The following NUP153 variants were observed in gnomAD, a reference collection of about 807,000 sequenced individuals.
NUP153 encodes the protein nucleoporin 153, also known as nuclear pore complex protein Nup153.
In NUP153, 27 loss-of-function variants were observed where a neutral mutation model predicts 134.6. The ratio of observed to expected loss-of-function variants is 0.20; its 90% CI spans 0.15 to 0.28. The LOEUF is 0.28. NUP153 is among the 10% of genes least tolerant of loss of function. The pLI, the probability that NUP153 is intolerant of heterozygous loss-of-function variation, is 1.00. For synonymous variants in NUP153, 640 were observed against 623.5 expected, an observed-to-expected ratio of 1.03 and a Z score of -0.40; for missense variants, 1,821 against 1,731.3, an observed-to-expected ratio of 1.05 and a Z score of -0.92.
intron 8 of NUP153, among the ~76,000 whole-genome samples, chr6:17,668,413 A>G (rs1017528505): frequency 7.2e-5 from 11 of 152,054 alleles, no homozygotes; most frequent in African/African-American, 2.7e-4. Flanking sequence ...AAAAGGTAAC[A>G]GTAAGCCATA....
chr6:17,692,757 C>T (rs1399724408), intron 1 of NUP153, among the ~76,000 whole-genome samples: 1 of 152,124 alleles, frequency 6.6e-6, no homozygotes, highest in African/African-American at 2.4e-5. Context: ...TTCTCCAGCC[C>T]TTAGTAGGAT....
intron 20 of NUP153, among the ~76,000 whole-genome samples, chr6:17,618,783 G>C (rs867660809): frequency 6.6e-6 from 1 of 152,108 alleles, no homozygotes; most frequent in Non-Finnish European, 1.5e-5. Context: ...AGCCAGGATG[G>C]TCTCGATATC....
intron 1 of NUP153, among the ~76,000 whole-genome samples, chr6:17,690,551 CAG>C (rs1195685622): frequency 2.6e-5 from 4 of 152,014 alleles, no homozygotes; most frequent in Non-Finnish European, 4.4e-5. Flanking sequence ...CAAGGTATAA[CAG>C]AAACATACTG....
intron 1 of NUP153, among the ~76,000 whole-genome samples, chr6:17,703,596 T>G (rs1050185065): frequency 6.6e-6 from 1 of 151,308 alleles, no homozygotes; most frequent in Non-Finnish European, 1.5e-5. Context: ...AGCAAGTGGG[T>G]AGACCCTATG....
In NUP153 at chr6:17,649,313, ATGT is replaced by A; in HGVS notation, c.1396-16_1396-14del. On this transcript the variant is annotated splice_polypyrimidine_tract_variant and intron_variant, in intron 11 of 21. Transcript: ENST00000262077. ...GAACTTCCATTTCCTAAAACATAAC[ATGT>A]TGCATGATATATTTCATCTTTCACA... 6.2e-7 allele frequency: 1 copy of A among 1,603,804 alleles called. No homozygotes were observed. The highest frequency in any genetic ancestry group is 8.5e-7 in the Non-Finnish European group (1 of 1,176,136).
chr6:17,615,934 C>A lies in NUP153; in HGVS notation c.*163G>T. 1.9e-6 allele frequency: 1 copy of A among 516,842 alleles called. No homozygotes were observed. The highest frequency in any genetic ancestry group is 3.6e-5 in the Admixed American group (1 of 27,774). 32.0% of individuals were successfully genotyped at this position (516,842 alleles called of 1,614,324 possible). On this transcript the variant is annotated 3_prime_UTR_variant, in exon 22 of 22. Coordinates refer to ENST00000262077, the MANE Select transcript of NUP153 (RefSeq NM_005124.4). The surrounding 1 kb of genome is among the most constrained non-coding windows in gnomAD (Gnocchi z 5.7). The stretch of plus-strand genomic sequence containing the variant: ...TTTATTTAAAAAAGGGTGGGTGAGG[C>A]AGGGTGGGGCTTCTGTAACGAAAGA...
intron 11 of NUP153, chr6:17,651,749 C>G (rs1354855358): frequency 2.4e-6 from 1 of 424,318 alleles, no homozygotes; most frequent in Non-Finnish European, 4.2e-6. Flanking sequence ...ACTATGGAGC[C>G]ATAGAATAAA....
chr6:17,622,101 T>C (rs1398687906), intron 20 of NUP153, among the ~76,000 whole-genome samples: 1 of 151,822 alleles, frequency 6.6e-6, no homozygotes, highest in Non-Finnish European at 1.5e-5. Flanking sequence ...GGCTTTTCTT[T>C]TGTTTTGTTT....
At chr6:17,620,571 T>C (rs1003393019) in intron 20 of NUP153, among the ~76,000 whole-genome samples, 1 of 152,228 alleles carries the variant, frequency 6.6e-6, no homozygotes, top group Admixed American at 6.5e-5. Flanking sequence ...CTCCAGGACA[T>C]TGGTCTAAGC....
chr6:17,616,573 A>C lies in NUP153; in HGVS notation c.4297T>G (p.Ser1433Ala). The change falls in exon 21 of 22, where the codon TCG (serine) becomes GCG (alanine). Residue 1433 changes from serine to alanine, a missense_variant. Coordinates refer to ENST00000262077, the MANE Select transcript of NUP153 (RefSeq NM_005124.4). The part of the protein sequence containing the change: ...TPAASAQPSG[S>A]GGFPFNQSPA... ...GACTGGTTAAATGGAAAGCCCCCCG[A>C]GCCTGAAGGCTGGGCTGAGGCTGCA... 6.2e-7 allele frequency: 1 copy of C among 1,614,196 alleles called. No homozygotes were observed. Among genetic ancestry groups the C allele is most frequent in the South Asian group, 1.1e-5 (1 of 91,086 alleles).
chr6:17,658,634 GT>G (rs1254805524), intron 11 of NUP153, among the ~76,000 whole-genome samples: 24 of 152,156 alleles, frequency 1.6e-4, no homozygotes, highest in African/African-American at 5.1e-4. Context: ...CCATTCTATG[GT>G]CATTCACCAT....
intron 11 of NUP153, among the ~76,000 whole-genome samples, chr6:17,650,253 C>T (rs1360351303): frequency 6.6e-6 from 1 of 152,186 alleles, no homozygotes; most frequent in Admixed American, 6.5e-5. Flanking sequence ...GCTTCCTGTT[C>T]TCTTCATGAG....
At chr6:17,630,682 A>ACAGAGGAGAG (rs1319806574) in intron 17 of NUP153, among the ~76,000 whole-genome samples, 1 of 145,532 alleles carries the variant, frequency 6.9e-6, no homozygotes, top group East Asian at 2.2e-4. Flanking sequence ...AGAAAAGAAA[A>ACAGAGGAGAG]CAGAGGAGAG....
At chr6:17,644,780 TAA>T (rs927223657) in intron 14 of NUP153, among the ~76,000 whole-genome samples, 2 of 151,898 alleles carry the variant, frequency 1.3e-5, no homozygotes, top group Non-Finnish European at 2.9e-5. Flanking sequence ...ACCTCTCTAC[TAA>T]AAATACAAAA....
chr6:17,629,909 A>G (rs949481120), intron 17 of NUP153, among the ~76,000 whole-genome samples: 1 of 152,254 alleles, frequency 6.6e-6, no homozygotes, highest in Admixed American at 6.5e-5. Context: ...TTACAAATGC[A>G]TATACCCTTT....
chr6:17,667,889 G>A (rs1379365574), intron 8 of NUP153, among the ~76,000 whole-genome samples: 3 of 151,924 alleles, frequency 2.0e-5, no homozygotes, highest in Non-Finnish European at 2.9e-5. Flanking sequence ...ATATTAAAAG[G>A]GCAGCAAGAT....
chr6:17,699,210 A>T (rs1030227624), intron 1 of NUP153, among the ~76,000 whole-genome samples: 14 of 151,884 alleles, frequency 9.2e-5, no homozygotes, highest in African/African-American at 3.1e-4. Flanking sequence ...TTTTAAATAC[A>T]AGCTAGCTGG....
intron 11 of NUP153, among the ~76,000 whole-genome samples, chr6:17,653,737 G>A (rs1200358907): frequency 6.6e-6 from 1 of 152,188 alleles, no homozygotes; most frequent in Non-Finnish European, 1.5e-5. Flanking sequence ...GGTAGGAGGT[G>A]ACGGCAACTG....
intron 2 of NUP153, 78 bp downstream of exon 2, chr6:17,688,318 T>C: frequency 9.5e-7 from 1 of 1,053,060 alleles, no homozygotes; most frequent in Non-Finnish European, 1.4e-6. Flanking sequence ...TGATTAGATT[T>C]ACCATAACTA....
Sources: allele counts gnomAD v4.1 joint callset (sites outside exome capture counted in the v4.1 genomes callset), GRCh38; gene constraint gnomAD v4.1.1; non-coding constraint Gnocchi (gnomAD v3.1); transcripts MANE v1.5; gene names NCBI Gene and HGNC (gene_info 2026-07-23, HGNC 2026-07-21).